The following CCDC158 variants were observed in gnomAD, a reference collection of about 807,000 sequenced individuals.
The protein encoded by CCDC158 is coiled-coil domain containing 158, also known as coiled-coil domain-containing protein 158.
In CCDC158, 116 loss-of-function variants were observed where a neutral mutation model predicts 138.6. The observed-to-expected ratio is 0.84, with a 90% confidence interval of 0.72 to 0.98. The LOEUF (loss-of-function observed/expected upper bound fraction) is 0.98, where lower values mean the gene tolerates loss of function less well. CCDC158 is among the 50% of genes least tolerant of loss of function. CCDC158 has a pLI of 0.00. For missense variants in CCDC158, 1,265 were observed against 1,306.1 expected, an observed-to-expected ratio of 0.97 and a Z score of 0.48; for synonymous variants, 436 against 442.4, an observed-to-expected ratio of 0.99 and a Z score of 0.18.
At position 76,332,450 on chromosome 4, in the gene CCDC158, C is replaced by T; in HGVS notation, c.2864G>A (p.Arg955Lys). ...TTCTTACCTATGGCACATGTCTGAT[C>T]TCAGGCTGGATTCAGTAATGCAATC... is the stretch of plus-strand genomic sequence containing the variant. ...VRDCITESSL[R>K]SDMCHRSNNS... Residue 955 changes from arginine to lysine, a missense_variant, in exon 20 of 25, where the codon AGA (arginine) becomes AAA (lysine). Physicochemically the swap from Arg to Lys is conservative, Grantham distance 26. Transcript: ENST00000682701. 3 of 1,611,094 alleles carry T rather than the reference C, an allele frequency of 1.9e-6. No individual in the cohort carries two copies. The highest frequency in any genetic ancestry group is 2.5e-6 in the Non-Finnish European group (3 of 1,178,082).
At chr4:76,359,627 C>A (rs1300566341) in intron 13 of CCDC158, among the ~76,000 whole-genome samples, 2 of 152,208 alleles carry the variant, frequency 1.3e-5, no homozygotes, top group African/African-American at 4.8e-5. Context: ...ATCTGTGGAA[C>A]TTTGAACTTG....
intron 2 of CCDC158, among the ~76,000 whole-genome samples, chr4:76,410,161 C>T (rs1729179522): frequency 6.6e-6 from 1 of 152,070 alleles, no homozygotes; most frequent in Non-Finnish European, 1.5e-5. Context: ...CTGTGACTAT[C>T]ATAGAATGAA....
intron 11 of CCDC158, among the ~76,000 whole-genome samples, chr4:76,368,092 A>C (rs1379729029): frequency 6.6e-6 from 1 of 152,100 alleles, no homozygotes; most frequent in Non-Finnish European, 1.5e-5. Context: ...TAACATATGT[A>C]AGACTGACAT....
At chr4:76,345,226 C>T in intron 18 of CCDC158, 1 of 933,952 alleles carries the variant, frequency 1.1e-6, no homozygotes, top group East Asian at 2.4e-5. Flanking sequence ...GGTCAAGTTT[C>T]ATCAGATGAA....
At chr4:76,405,604 G>A (rs1728754041) in intron 2 of CCDC158, among the ~76,000 whole-genome samples, 1 of 152,128 alleles carries the variant, frequency 6.6e-6, no homozygotes. Context: ...CAAAGGTGAG[G>A]TAATGGCACT....
intron 24 of CCDC158, among the ~76,000 whole-genome samples, chr4:76,314,241 G>A (rs763463803): frequency 7.9e-5 from 12 of 152,122 alleles, no homozygotes; most frequent in Non-Finnish European, 1.6e-4. Context: ...CTTCCATGTG[G>A]ATTATTATTT....
chr4:76,319,432 C>CAAA (rs71659321), intron 24 of CCDC158, among the ~76,000 whole-genome samples: 2 of 23,946 alleles, frequency 8.4e-5, no homozygotes, highest in African/African-American at 2.0e-4. Context: ...GACTCCGTAT[C>CAAA]AAAAAAAAAA....
intron 24 of CCDC158, among the ~76,000 whole-genome samples, chr4:76,313,725 G>A (rs1013792861): frequency 6.6e-6 from 1 of 152,144 alleles, no homozygotes; most frequent in African/African-American, 2.4e-5. Flanking sequence ...ATCTGCCTCC[G>A]CCCAAGAGGT....
Position 76,325,997 on chromosome 4 carries a change from T to C in CCDC158, c.3029A>G (p.Asn1010Ser). The stretch of plus-strand genomic sequence containing the variant: ...AGAATTGAATGAACGAGAAGCTGAG[T>C]TTTTCACAGATGGACTTGCTAAAAG... ...FTSAASPSVK[N>S]SASRSFNSSP... The change falls in exon 23 of 25, where the codon AAC becomes AGC. Residue 1010 changes from asparagine (N) to serine (S), a missense_variant. Physicochemically the swap from Asn to Ser is conservative, Grantham distance 46. Transcript: ENST00000682701. 1 of 1,610,618 alleles carries C rather than the reference T, an allele frequency of 6.2e-7. No individual in the cohort carries two copies. The highest frequency in any genetic ancestry group is 8.5e-7 in the Non-Finnish European group (1 of 1,178,702).
At chr4:76,391,091 A>G (rs1046637654) in intron 4 of CCDC158, among the ~76,000 whole-genome samples, 1 of 152,032 alleles carries the variant, frequency 6.6e-6, no homozygotes. Flanking sequence ...GAAAATCAAC[A>G]AAGAAACATA....
At chr4:76,364,546 A>T (rs1724467327) in intron 12 of CCDC158, among the ~76,000 whole-genome samples, 2 of 152,220 alleles carry the variant, frequency 1.3e-5, no homozygotes, top group African/African-American at 4.8e-5. Flanking sequence ...AAAACACTAT[A>T]TTTTGAATAT....
intron 4 of CCDC158, 131 bp from the exon 5 acceptor site, chr4:76,384,796 C>T: frequency 1.6e-6 from 1 of 639,436 alleles, no homozygotes; most frequent in Non-Finnish European, 2.7e-6. Context: ...TGCTGCAGTT[C>T]AAAGTCTAAT....
At chr4:76,369,215 A>AAAAT (rs373989037) in intron 11 of CCDC158, among the ~76,000 whole-genome samples, 4,122 of 152,036 alleles carry the variant, frequency 0.027, 186 homozygotes, top group African/African-American at 0.094. Context: ...ACGCCATCTA[A>AAAAT]AAATAAATAA....
chr4:76,333,023 T>C (rs753727629), intron 19 of CCDC158, among the ~76,000 whole-genome samples: 2 of 152,202 alleles, frequency 1.3e-5, no homozygotes, highest in Non-Finnish European at 2.9e-5. Context: ...ATTATAGTTA[T>C]GACAAAAATG....
chr4:76,334,172 GTTAAAACAATTTAC>G lies in CCDC158; in HGVS notation c.2665-19_2665-6del. ...TGTGTTAGCTTTTGTAGAGTGCTGAGTTAAAACAATTTACAAAGACACTTATTTTTTCAGATTTC... is the reference window on the plus strand; with the variant it reads ...TGTGTTAGCTTTTGTAGAGTGCTGAGAAAGACACTTATTTTTTCAGATTTC... On this transcript the variant is annotated splice_polypyrimidine_tract_variant and splice_region_variant and intron_variant, in intron 18 of 24. Coordinates refer to ENST00000682701, the MANE Select transcript of CCDC158 (RefSeq NM_001394954.1). The G allele has an allele frequency of 2.0e-6, 3 of 1,538,088 alleles. No homozygotes were observed. In the East Asian group the frequency reaches 6.9e-5, roughly 35 times the overall value.
At chr4:76,322,496 G>T (rs1287823573) in intron 24 of CCDC158, among the ~76,000 whole-genome samples, 2 of 152,182 alleles carry the variant, frequency 1.3e-5, no homozygotes, top group East Asian at 3.8e-4. Context: ...CTGGCACACA[G>T]TTGGGAAGTG....
intron 3 of CCDC158, among the ~76,000 whole-genome samples, chr4:76,401,917 A>C (rs1728424817): frequency 1.3e-5 from 2 of 152,244 alleles, no homozygotes; most frequent in South Asian, 2.1e-4. Context: ...TGGGTGTGGT[A>C]AGGTGGAGAT....
At chr4:76,321,763 T>TA (rs199919081) in intron 24 of CCDC158, among the ~76,000 whole-genome samples, 3,746 of 146,368 alleles carry the variant, frequency 0.026, 154 homozygotes, top group African/African-American at 0.088. Flanking sequence ...ATATATATTT[T>TA]TTATATATAT....
chr4:76,323,645 T>A (rs1720256464), intron 23 of CCDC158, among the ~76,000 whole-genome samples: 1 of 152,208 alleles, frequency 6.6e-6, no homozygotes, highest in African/African-American at 2.4e-5. Flanking sequence ...CTCAAACCAA[T>A]CCGATGTATC....
Sources: allele counts gnomAD v4.1 joint callset (sites outside exome capture counted in the v4.1 genomes callset), GRCh38; gene constraint gnomAD v4.1.1; transcripts MANE v1.5; gene names NCBI Gene and HGNC (gene_info 2026-07-23, HGNC 2026-07-21).